Variants in ANXA7 observed in about 807,000 individuals in gnomAD.
ANXA7 encodes annexin VII.
A neutral mutation model predicts 64.9 loss-of-function variants in ANXA7; 55 were observed. The observed-to-expected ratio is 0.85, with a 90% confidence interval of 0.68 to 1.06. ANXA7 has a LOEUF of 1.06. Among genes scored for constraint, ANXA7 ranks in the 50% least tolerant of loss-of-function variants. The probability of loss-of-function intolerance (pLI) is 0.00; values close to 1 mark genes in which losing one functional copy is unlikely to be tolerated. For missense variants in ANXA7, 548 were observed against 582.1 expected, an observed-to-expected ratio of 0.94 and a Z score of 0.60; for synonymous variants, 200 against 192.4, an observed-to-expected ratio of 1.04 and a Z score of -0.33.
At chr10:73,400,290 T>G (rs899961820) in intron 2 of ANXA7, among the ~76,000 whole-genome samples, 1 of 152,036 alleles carries the variant, frequency 6.6e-6, no homozygotes, top group African/African-American at 2.4e-5. Flanking sequence ...GAACTACAAA[T>G]CCACTGCAAT....
intron 1 of ANXA7, among the ~76,000 whole-genome samples, chr10:73,409,844 A>G (rs182702547): frequency 6.6e-6 from 1 of 152,112 alleles, no homozygotes; most frequent in Non-Finnish European, 1.5e-5. Flanking sequence ...AAAATAGAGA[A>G]CTCAGAAATA....
intron 12 of ANXA7, among the ~76,000 whole-genome samples, chr10:73,377,808 T>C (rs1237178817): frequency 7.3e-6 from 1 of 136,244 alleles, no homozygotes; most frequent in Non-Finnish European, 1.5e-5. Flanking sequence ...GTGTATTTTT[T>C]GTATAAATAG....
At chr10:73,378,881 ACCCG>A in intron 12 of ANXA7, 26 bp downstream of exon 12, 2 of 1,517,138 alleles carry the variant, frequency 1.3e-6, no homozygotes, top group Non-Finnish European at 9.1e-7. Context: ...ATCAAGTAAG[ACCCG>A]ACAAAAAGAG....
chr10:73,401,263 A>ACATACACAACAC (rs1554818167), intron 1 of ANXA7, among the ~76,000 whole-genome samples: 4 of 148,024 alleles, frequency 2.7e-5, no homozygotes, highest in African/African-American at 1.0e-4. Context: ...ACACATACAC[A>ACATACACAACAC]ACACACACAC....
At chr10:73,382,382 GC>G (rs150058297) in intron 9 of ANXA7, among the ~76,000 whole-genome samples, 1 of 150,110 alleles carries the variant, frequency 6.7e-6, no homozygotes, top group East Asian at 2.0e-4. Context: ...TCACTCTATT[GC>G]CCAGGCTGGA....
intron 3 of ANXA7, among the ~76,000 whole-genome samples, chr10:73,397,483 A>C (rs1371574395): frequency 6.6e-6 from 1 of 152,160 alleles, no homozygotes; most frequent in Non-Finnish European, 1.5e-5. Flanking sequence ...TTTTTGAGAC[A>C]GTCTCACTCT....
At chr10:73,400,944 G>C (rs759480607) in intron 1 of ANXA7, 87 bp from the exon 2 acceptor site, 53 of 1,185,448 alleles carry the variant, frequency 4.5e-5, no homozygotes, top group Non-Finnish European at 5.9e-5. Context: ...GTCTCACTCT[G>C]TCACCAGGTT....
chr10:73,398,927 C>G (rs972806252), intron 2 of ANXA7, among the ~76,000 whole-genome samples: 1 of 152,150 alleles, frequency 6.6e-6, no homozygotes, highest in African/African-American at 2.4e-5. Context: ...AACTCTTTCT[C>G]CCCAGGCCAC....
At chr10:73,376,465 T>C (rs562164492) in intron 12 of ANXA7, among the ~76,000 whole-genome samples, 45 of 152,246 alleles carry the variant, frequency 3.0e-4, no homozygotes, top group Admixed American at 2.9e-3. Context: ...ATATTAGTCA[T>C]TTAAAAACAT....
rs1589646066 is a variant in ANXA7, at chr10:73,380,057, T to C, written c.1063A>G (p.Arg355Gly). 1 of 1,614,154 alleles carries C rather than the reference T, an allele frequency of 6.2e-7. No homozygotes were observed. Among genetic ancestry groups the C allele is most frequent in the East Asian group, 2.2e-5 (1 of 44,878 alleles). ...ILATRSFPQL[R>G]ATMEAYSRMA... ...CTAGAATAAGCCTCCATGGTAGCTC[T>C]CAGCTGAGGAAAGCTTCTTGTGGCA... Residue 355 changes from arginine to glycine, a missense_variant, in exon 10 of 13, where the codon AGA (arginine) becomes GGA (glycine). Arg to Gly is a moderately radical substitution (Grantham distance 125, BLOSUM62 -2). Coordinates refer to ENST00000372921, the MANE Select transcript of ANXA7 (RefSeq NM_001156.5).
chr10:73,392,821 T>C (rs1373314999), intron 5 of ANXA7, among the ~76,000 whole-genome samples: 1 of 152,126 alleles, frequency 6.6e-6, no homozygotes, highest in African/African-American at 2.4e-5. Context: ...TCACCACTCC[T>C]ATTCAACATA....
At chr10:73,407,137 C>T (rs1007827124) in intron 1 of ANXA7, among the ~76,000 whole-genome samples, 198 of 152,140 alleles carry the variant, frequency 1.3e-3, no homozygotes, top group African/African-American at 4.6e-3. Context: ...AATGCAGTGG[C>T]ACAATCTCGG....
chr10:73,379,330 A>G (rs113771225), intron 11 of ANXA7, among the ~76,000 whole-genome samples: 441 of 152,284 alleles, frequency 2.9e-3, no homozygotes, highest in African/African-American at 9.5e-3. Context: ...CCCCTGGCCC[A>G]ACATTCCATT....
chr10:73,396,621 G>C lies in ANXA7; in HGVS notation c.371-38C>G, dbSNP rs201430807. On this transcript the variant is annotated intron_variant, in intron 4 of 12. Coordinates refer to ENST00000372921, the MANE Select transcript of ANXA7 (RefSeq NM_001156.5). ...AAAAAATAATAATAATACGGCAACA[G>C]GTCTTACATGTTTTAATTTTTCAAA... The C allele has an allele frequency of 1.3e-4, 171 of 1,344,286 alleles. 1 individual carries two copies. The African/African-American group carries it at 1.7e-3, about 13-fold the overall frequency. 83.3% of individuals were successfully genotyped at this position (1,344,286 alleles called of 1,614,324 possible). A position where few individuals can be genotyped will look rare whatever the true frequency, so the allele number is the denominator to read the frequency against.
chr10:73,400,697 A>G lies in ANXA7; in HGVS notation c.54+106T>C, dbSNP rs868367728. ...TCACTTCTACGTAGTACCTCTGAGC[A>G]TCTGAATTTATGACCCCTGCTCAAG... On this transcript the variant is annotated intron_variant, in intron 2 of 12. Transcript: ENST00000372921. 3.6e-5 allele frequency: 30 copies of G among 841,178 alleles called. 2 individuals carry two copies. In the Middle Eastern group the frequency reaches 6.4e-3, roughly 179 times the overall value. The allele number at this position is 841,178 out of a possible 1,614,324, so 52.1% of individuals were successfully genotyped here. A position where few individuals can be genotyped will look rare whatever the true frequency, so the allele number is the denominator to read the frequency against.
At chr10:73,399,247 A>C (rs2055622260) in intron 2 of ANXA7, among the ~76,000 whole-genome samples, 1 of 152,208 alleles carries the variant, frequency 6.6e-6, no homozygotes, top group Non-Finnish European at 1.5e-5. Context: ...GACGTCCAGG[A>C]AACTGAAGAA....
chr10:73,380,558 G>A (rs1263107704), intron 9 of ANXA7, among the ~76,000 whole-genome samples: 1 of 152,088 alleles, frequency 6.6e-6, no homozygotes, highest in Non-Finnish European at 1.5e-5. Context: ...ATAGATGTAA[G>A]CCACTGGGCC....
rs1227537881 is a variant in ANXA7, at chr10:73,388,337, A to G, written c.513T>C (p.Ile171=). ...ANFDAIRDAE[I]LRKAMKGFGT... is the part of the protein sequence containing the mutation. Reference sequence around the variant, plus strand: ...CAAAACCCTTCATTGCCTTACGAAGAATTTCTGCATCTCTTATAGCATCGA... The same window carrying G: ...CAAAACCCTTCATTGCCTTACGAAGGATTTCTGCATCTCTTATAGCATCGA... The change falls in exon 6 of 13, where the codon ATT becomes ATC. Residue 171 remains isoleucine, a synonymous_variant. Coordinates refer to ENST00000372921, the MANE Select transcript of ANXA7 (RefSeq NM_001156.5). 1 of 1,614,016 alleles carries G rather than the reference A, an allele frequency of 6.2e-7. No homozygotes were observed. Among genetic ancestry groups the G allele is most frequent in the Admixed American group, 1.7e-5 (1 of 60,026 alleles).
At chr10:73,379,678 T>C (rs995415627) in intron 11 of ANXA7, among the ~76,000 whole-genome samples, 7 of 152,156 alleles carry the variant, frequency 4.6e-5, no homozygotes, top group Non-Finnish European at 7.4e-5. Flanking sequence ...CATAGGAAAT[T>C]GTATGTAAAA....
Sources: allele counts gnomAD v4.1 joint callset (sites outside exome capture counted in the v4.1 genomes callset), GRCh38; gene constraint gnomAD v4.1.1; transcripts MANE v1.5; gene names NCBI Gene and HGNC (gene_info 2026-07-23, HGNC 2026-07-21).